Variants in IQCK observed in about 807,000 individuals in gnomAD.
The protein encoded by IQCK is IQ domain-containing protein K.
In IQCK, 29 loss-of-function variants were observed where a neutral mutation model predicts 28.1. The ratio of observed to expected loss-of-function variants is 1.03; its 90% CI spans 0.77 to 1.41. The LOEUF is 1.41. IQCK is among the 40% of genes most tolerant of loss of function. The pLI, the probability that IQCK is intolerant of heterozygous loss-of-function variation, is 0.00. For synonymous variants in IQCK, 113 were observed against 115.1 expected (o/e 0.98, Z 0.12); for missense variants, 359 against 314.7 (o/e 1.14, Z -1.07).
chr16:19,856,494 C>A lies in IQCK; in HGVS notation c.810C>A (p.Cys270Ter). ...CCTTTCTTTTCTTTGCAGTGAAATGCAAAATGGAGGACGATGCAGTACCTG... is the reference window on the plus strand; with the variant it reads ...CCTTTCTTTTCTTTGCAGTGAAATGAAAAATGGAGGACGATGCAGTACCTG... The change falls in exon 10 of 10, where the codon TGC becomes TGA. Residue 270 changes from cysteine to a stop codon, truncating the protein, a stop_gained. Transcript: ENST00000320394. LOFTEE classifies it low-confidence loss of function (END_TRUNC). 1 of 1,613,332 alleles carries A rather than the reference C, an allele frequency of 6.2e-7. No individual in the cohort carries two copies. The highest frequency in any genetic ancestry group is 8.5e-7 in the Non-Finnish European group (1 of 1,179,464).
intron 4 of IQCK, among the ~76,000 whole-genome samples, chr16:19,754,561 G>T (rs2055027433): frequency 6.6e-6 from 1 of 152,000 alleles, no homozygotes; most frequent in Non-Finnish European, 1.5e-5. Context: ...CTCCTGACAA[G>T]TTCTTTGATG....
intron 1 of IQCK, among the ~76,000 whole-genome samples, chr16:19,727,528 A>C (rs566517596): frequency 6.6e-6 from 1 of 151,130 alleles, no homozygotes; most frequent in South Asian, 2.1e-4. Flanking sequence ...CGGAGGTTGC[A>C]GTGAGCCGAG....
intron 3 of IQCK, among the ~76,000 whole-genome samples, chr16:19,734,405 A>C (rs796932225): frequency 6.7e-6 from 1 of 148,498 alleles, no homozygotes; most frequent in South Asian, 2.1e-4. Flanking sequence ...GGTTGCAGTG[A>C]GCTAAGATCG....
At chr16:19,835,713 T>A (rs1182948313) in intron 9 of IQCK, among the ~76,000 whole-genome samples, 1 of 151,918 alleles carries the variant, frequency 6.6e-6, no homozygotes, top group East Asian at 1.9e-4. Flanking sequence ...GCCTCTTGAG[T>A]AGCTGGGATT....
intron 6 of IQCK, among the ~76,000 whole-genome samples, chr16:19,779,079 C>T (rs1479135864): frequency 6.6e-6 from 1 of 152,110 alleles, no homozygotes; most frequent in East Asian, 1.9e-4. Context: ...AACTCCTGCC[C>T]TCAAGCAGTC....
chr16:19,847,774 A>C (rs538484373), intron 9 of IQCK, among the ~76,000 whole-genome samples: 1 of 152,282 alleles, frequency 6.6e-6, no homozygotes, highest in East Asian at 1.9e-4. Flanking sequence ...ACCTTTGGCT[A>C]TTATGAAAAA....
intron 6 of IQCK, among the ~76,000 whole-genome samples, chr16:19,780,999 C>T (rs1382999515): frequency 6.6e-6 from 1 of 152,112 alleles, no homozygotes; most frequent in East Asian, 1.9e-4. Context: ...AGAAAGGGAT[C>T]CGTGACACAA....
At chr16:19,727,256 C>T (rs1977685330) in intron 1 of IQCK, among the ~76,000 whole-genome samples, 2 of 152,002 alleles carry the variant, frequency 1.3e-5, no homozygotes, top group Non-Finnish European at 2.9e-5. Flanking sequence ...TATGTGTGGG[C>T]ACTTTGACCT....
At chr16:19,733,577 G>C (rs1296773733) in intron 2 of IQCK, 121 bp from the exon 3 acceptor site, 1 of 1,105,612 alleles carries the variant, frequency 9.0e-7, no homozygotes, top group East Asian at 2.4e-5. Flanking sequence ...TCTGTGCTCA[G>C]CGTACCCCCT....
At chr16:19,804,890 G>T (rs914679247) in intron 7 of IQCK, among the ~76,000 whole-genome samples, 2 of 152,210 alleles carry the variant, frequency 1.3e-5, no homozygotes, top group Admixed American at 6.5e-5. Flanking sequence ...ATATTTCATC[G>T]TAAAGTTCCA....
At chr16:19,810,215 G>A (rs915162398) in intron 7 of IQCK, among the ~76,000 whole-genome samples, 2 of 152,172 alleles carry the variant, frequency 1.3e-5, no homozygotes, top group South Asian at 2.1e-4. Context: ...AGGGATGTTC[G>A]GCCAGGCGCG....
At chr16:19,829,230 C>T (rs2056197513), downstream of IQCK, among the ~76,000 whole-genome samples, 1 of 151,844 alleles carries the variant, frequency 6.6e-6, no homozygotes, top group African/African-American at 2.4e-5. Context: ...CCTCCCCATC[C>T]TACCCTGTCC....
chr16:19,814,939 A>C (rs1050876593), intron 7 of IQCK, among the ~76,000 whole-genome samples: 1 of 151,866 alleles, frequency 6.6e-6, no homozygotes, highest in Non-Finnish European at 1.5e-5. Flanking sequence ...GGCATGCACC[A>C]CCACACTTGT....
At chr16:19,854,235 A>G (rs2056524228) in intron 9 of IQCK, among the ~76,000 whole-genome samples, 2 of 152,240 alleles carry the variant, frequency 1.3e-5, no homozygotes, top group African/African-American at 2.4e-5. Context: ...AAAACCAGTA[A>G]TCAGTGGTTC....
chr16:19,741,832 C>G (rs536609711), intron 4 of IQCK, among the ~76,000 whole-genome samples: 1 of 151,986 alleles, frequency 6.6e-6, no homozygotes, highest in Non-Finnish European at 1.5e-5. Context: ...ACTAAAAATA[C>G]CAAAATTAGC....
intron 9 of IQCK, among the ~76,000 whole-genome samples, chr16:19,835,645 C>G (rs1190407460): frequency 6.7e-6 from 1 of 148,916 alleles, no homozygotes. Flanking sequence ...AGTGCAGTGG[C>G]ACAGTCTTGG....
Position 19,843,377 on chromosome 16 carries a change from A to C in IQCK, c.803-13110A>C, listed in dbSNP as rs564300063. Among the ~76,000 whole-genome samples the C allele has an allele frequency of 1.3e-4, 20 of 152,286 alleles. 1 individual carries two copies. In the East Asian group the frequency reaches 2.7e-3, roughly 21 times the overall value. ...TAGCCATTATCTCCCAAGACTTCCA[A>C]TCCTCCCAGCCCCAGACAACCACTA... On this transcript the variant is annotated intron_variant, in intron 9 of 9. Coordinates refer to the IQCK transcript ENST00000320394.
intron 7 of IQCK, among the ~76,000 whole-genome samples, chr16:19,791,681 A>G (rs1430409668): frequency 2.1e-5 from 3 of 144,902 alleles, no homozygotes; most frequent in Non-Finnish European, 4.4e-5. Flanking sequence ...TACTTATCAT[A>G]CCAACAAACG....
intron 4 of IQCK, among the ~76,000 whole-genome samples, chr16:19,740,752 T>C (rs543157565): frequency 3.3e-5 from 5 of 151,930 alleles, no homozygotes; most frequent in African/African-American, 9.6e-5. Context: ...ATGTGGATCA[T>C]GCAGTCAGGA....
Sources: allele counts gnomAD v4.1 joint callset (sites outside exome capture counted in the v4.1 genomes callset), GRCh38; gene constraint gnomAD v4.1.1; transcripts MANE v1.5; gene names NCBI Gene and HGNC (gene_info 2026-07-23, HGNC 2026-07-21).